Variants in SEMA3D observed in about 807,000 individuals in gnomAD.
The protein encoded by SEMA3D is semaphorin-3D.
In SEMA3D, 84 loss-of-function variants were observed where a neutral mutation model predicts 100.1. That is an observed-to-expected ratio of 0.84 (90% CI 0.70 to 1.01). SEMA3D has a LOEUF of 1.01. SEMA3D is among the 50% of genes least tolerant of loss of function. The pLI is 0.00. For synonymous variants in SEMA3D, 312 were observed against 320.7 expected (o/e 0.97, Z 0.29); for missense variants, 875 against 934.1 (o/e 0.94, Z 0.82).
At chr7:85,042,744 C>T (rs1388741243) in intron 9 of SEMA3D, among the ~76,000 whole-genome samples, 2 of 152,072 alleles carry the variant, frequency 1.3e-5, no homozygotes, top group African/African-American at 4.8e-5. Context: ...TATTCACAGG[C>T]AAGATCATTG....
At chr7:85,208,544 A>C in the SEMA3D span, among the ~76,000 whole-genome samples, 4 of 151,946 alleles carry the variant, frequency 2.6e-5, no homozygotes, top group Non-Finnish European at 5.9e-5. Context: ...CGTTTGGTCA[A>C]ATTTTGATTT....
rs972798117 is a variant in SEMA3D, at chr7:85,147,628, A to T, written c.-41+5980T>A. ...AAATATATTTTTCTGATATTTAGAT[A>T]ACAGAATTTCATGAAAATCTTAAGA... On this transcript the variant is annotated intron_variant, in intron 2 of 18. Transcript: ENST00000284136. Among the ~76,000 whole-genome samples the T allele has an allele frequency of 5.3e-5, 8 of 152,200 alleles. 1 individual carries two copies. The highest frequency in any genetic ancestry group is 1.3e-4 in the Admixed American group (2 of 15,260).
chr7:85,102,798 C>T (rs1788789209), intron 3 of SEMA3D, among the ~76,000 whole-genome samples: 1 of 151,804 alleles, frequency 6.6e-6, no homozygotes, highest in South Asian at 2.1e-4. Flanking sequence ...TCTTTACTTA[C>T]ACAGTGAGAA....
chr7:84,999,670 C>G lies in SEMA3D; in HGVS notation c.2104G>C (p.Val702Leu), dbSNP rs756627190. The G allele has an allele frequency of 1.4e-5, 23 of 1,613,914 alleles. No homozygotes were observed. Among genetic ancestry groups the G allele is most frequent in the Middle Eastern group, 1.6e-4 (1 of 6,084 alleles). Reference protein sequence around the residue: ...TQRAEHEEGKVKDLLAESRLR... With the variant: ...TQRAEHEEGKLKDLLAESRLR... Reference sequence around the variant, plus strand: ...CGTGACTCAGCCAATAGATCCTTGACCTTCCCCTCCTCATGCTCTGCCCTC... The same window carrying G: ...CGTGACTCAGCCAATAGATCCTTGAGCTTCCCCTCCTCATGCTCTGCCCTC... Residue 702 changes from valine to leucine, a missense_variant, in exon 19 of 19, where the codon GTC becomes CTC. Physicochemically the swap from Val to Leu is conservative, Grantham distance 32. Transcript: ENST00000284136.
chr7:85,037,003 C>T lies in SEMA3D; in HGVS notation c.1077G>A (p.Val359=), dbSNP rs143217112. The change falls in exon 12 of 19, where the codon GTG becomes GTA. Residue 359 remains valine, a synonymous_variant. Coordinates refer to ENST00000284136, the MANE Select transcript of SEMA3D (RefSeq NM_001384900.1). ...CTGCTCTGATGTCAGCCATGCTATA[C>T]ACACAAACAGCAGAGCCTTTGAAGA... ...SSIFKGSAVC[V]YSMADIRAVF... is the part of the protein sequence containing the mutation. 9 of 1,612,930 alleles carry T rather than the reference C, an allele frequency of 5.6e-6. No individual in the cohort carries two copies. The African/African-American group carries it at 9.4e-5, about 17-fold the overall frequency.
At chr7:85,225,590 A>G in the SEMA3D span, among the ~76,000 whole-genome samples, 2 of 152,168 alleles carry the variant, frequency 1.3e-5, no homozygotes, top group Admixed American at 6.5e-5. Context: ...ACTATCAGCA[A>G]TTTTGATTTA....
At chr7:85,019,924 A>G (rs1378832645) in intron 14 of SEMA3D, among the ~76,000 whole-genome samples, 1 of 151,698 alleles carries the variant, frequency 6.6e-6, no homozygotes, top group African/African-American at 2.4e-5. Flanking sequence ...GTAGAAAAGC[A>G]TCTGGATAGT....
chr7:85,176,781 CAT>C (rs372304790), intron 1 of SEMA3D, among the ~76,000 whole-genome samples: 28 of 146,388 alleles, frequency 1.9e-4, no homozygotes, highest in South Asian at 4.4e-4. Flanking sequence ...TATTTGTATA[CAT>C]ATATATATAT....
chr7:85,157,247 A>G (rs1382283592), intron 1 of SEMA3D, among the ~76,000 whole-genome samples: 1 of 152,232 alleles, frequency 6.6e-6, no homozygotes, highest in African/African-American at 2.4e-5. Context: ...TAATAAATAA[A>G]TTATGTTAAC....
intron 8 of SEMA3D, among the ~76,000 whole-genome samples, chr7:85,057,992 T>C (rs954274180): frequency 2.6e-5 from 4 of 152,270 alleles, no homozygotes; most frequent in African/African-American, 9.6e-5. Context: ...ATTCAGTCAA[T>C]ATCGTCTCAG....
the SEMA3D span, among the ~76,000 whole-genome samples, chr7:85,248,785 A>G: frequency 2.6e-5 from 4 of 151,932 alleles, no homozygotes; most frequent in African/African-American, 9.7e-5. Flanking sequence ...TAACTATGGA[A>G]ACGGTAAAAA....
At chr7:85,025,205 AG>A (rs1196672964) in intron 12 of SEMA3D, among the ~76,000 whole-genome samples, 3 of 151,930 alleles carry the variant, frequency 2.0e-5, no homozygotes, top group Non-Finnish European at 4.4e-5. Context: ...CTCCTAGGAG[AG>A]TAGGAAATAA....
chr7:85,075,082 T>A (rs1791885094), intron 5 of SEMA3D, among the ~76,000 whole-genome samples: 2 of 152,020 alleles, frequency 1.3e-5, no homozygotes, highest in Admixed American at 1.3e-4. Flanking sequence ...GCTCACTTTT[T>A]GAAAAGATTT....
chr7:85,009,243 A>G (rs1164405426), intron 17 of SEMA3D, among the ~76,000 whole-genome samples: 1 of 151,756 alleles, frequency 6.6e-6, no homozygotes, highest in Non-Finnish European at 1.5e-5. Flanking sequence ...TATAATAAAT[A>G]TATAGCTTGT....
chr7:85,210,349 T>G, the SEMA3D span, among the ~76,000 whole-genome samples: 5 of 152,098 alleles, frequency 3.3e-5, no homozygotes, highest in Non-Finnish European at 7.4e-5. Context: ...GATGACTACA[T>G]AAGATACATT....
At chr7:85,192,644 T>A in the SEMA3D span, among the ~76,000 whole-genome samples, 1 of 152,128 alleles carries the variant, frequency 6.6e-6, no homozygotes. Context: ...TTAAGCCTAT[T>A]TAGTATAGTG....
intron 4 of SEMA3D, among the ~76,000 whole-genome samples, chr7:85,097,529 C>G (rs1788597885): frequency 6.6e-6 from 1 of 151,664 alleles, no homozygotes; most frequent in Non-Finnish European, 1.5e-5. Flanking sequence ...TATTATATGG[C>G]CTAGTGTATA....
chr7:85,126,162 G>A (rs1789559563), intron 2 of SEMA3D, among the ~76,000 whole-genome samples: 1 of 152,016 alleles, frequency 6.6e-6, no homozygotes, highest in South Asian at 2.1e-4. Context: ...TAGATGGATG[G>A]TAAAATTTAT....
intron 4 of SEMA3D, among the ~76,000 whole-genome samples, chr7:85,084,466 C>T (rs1236697716): frequency 6.6e-6 from 1 of 151,988 alleles, no homozygotes; most frequent in African/African-American, 2.4e-5. Context: ...TATCATTGGA[C>T]TGAAAATAGT....
Sources: allele counts gnomAD v4.1 joint callset (sites outside exome capture counted in the v4.1 genomes callset), GRCh38; gene constraint gnomAD v4.1.1; transcripts MANE v1.5; gene names NCBI Gene and HGNC (gene_info 2026-07-23, HGNC 2026-07-21).